The following KANSL2 variants were observed in gnomAD, a reference collection of about 807,000 sequenced individuals.
The protein encoded by KANSL2 is NSL complex protein NSL2.
In KANSL2, 34 loss-of-function variants were observed where a neutral mutation model predicts 55.6. That is an observed-to-expected ratio of 0.61 (90% CI 0.46 to 0.81). The LOEUF is 0.81. Ranked by LOEUF, KANSL2 falls within the 40% of genes least tolerant of loss-of-function variation. KANSL2 has a pLI of 0.00. For missense variants in KANSL2, 502 were observed against 609.9 expected (o/e 0.82, Z 1.86); for synonymous variants, 209 against 214.3 (o/e 0.98, Z 0.22).
intron 7 of KANSL2, among the ~76,000 whole-genome samples, chr12:48,664,302 A>T (rs1249917940): frequency 6.8e-6 from 1 of 147,656 alleles, no homozygotes; most frequent in East Asian, 2.0e-4. Flanking sequence ...TTTGACACAG[A>T]GTCTCACATC....
chr12:48,672,429 A>ACATG (rs1939740130), intron 4 of KANSL2, among the ~76,000 whole-genome samples: 1 of 89,778 alleles, frequency 1.1e-5, no homozygotes, highest in Non-Finnish European at 2.8e-5. Flanking sequence ...ATATATATAT[A>ACATG]TATATTTTTT....
At chr12:48,670,196 C>G (rs1202923526) in intron 5 of KANSL2, among the ~76,000 whole-genome samples, 3 of 100,606 alleles carry the variant, frequency 3.0e-5, no homozygotes, top group African/African-American at 1.1e-4. Flanking sequence ...GAGACTATAT[C>G]ACAAAAAAAA....
intron 8 of KANSL2, chr12:48,656,636 T>C: frequency 2.3e-6 from 1 of 430,022 alleles, no homozygotes; most frequent in South Asian, 1.7e-5. Flanking sequence ...AAAAATGACA[T>C]TACATTCTAG....
intron 4 of KANSL2, among the ~76,000 whole-genome samples, chr12:48,674,976 T>C (rs755575859): frequency 1.1e-3 from 166 of 147,156 alleles, no homozygotes; most frequent in Admixed American, 5.2e-3. Context: ...TAAATAAAAA[T>C]AATATATAAT....
At chr12:48,657,625 C>A (rs535308833) in intron 8 of KANSL2, among the ~76,000 whole-genome samples, 1 of 151,668 alleles carries the variant, frequency 6.6e-6, no homozygotes, top group East Asian at 2.0e-4. Context: ...TGTGTGCGTG[C>A]GTGTGTGTGA....
intron 5 of KANSL2, among the ~76,000 whole-genome samples, chr12:48,670,089 T>C (rs1344939817): frequency 6.6e-6 from 1 of 151,574 alleles, no homozygotes; most frequent in Admixed American, 6.6e-5. Flanking sequence ...TAGTCCCAGT[T>C]ACTCAGGAGG....
intron 8 of KANSL2, chr12:48,658,621 G>T (rs370575154): frequency 3.3e-5 from 5 of 152,068 alleles, no homozygotes; most frequent in African/African-American, 1.2e-4. Context: ...GCCAGACATG[G>T]TGGCACACAC....
chr12:48,671,490 T>G (rs1454311116), intron 5 of KANSL2, among the ~76,000 whole-genome samples: 1 of 152,136 alleles, frequency 6.6e-6, no homozygotes, highest in Non-Finnish European at 1.5e-5. Flanking sequence ...TCATGCTAAG[T>G]GCCCATTTTT....
At position 48,654,076 on chromosome 12, in the gene KANSL2, T is replaced by C. The variant is rs779116728; in HGVS notation, c.1447A>G (p.Asn483Asp). The part of the protein sequence containing the change: ...PLSQSGLATA[N>D]GKPEPTSIS ...ATAGAAGTGGGTTCTGGCTTCCCAT[T>C]TGCAGTAGCCAATCCACTCTGAGAC... Residue 483 changes from asparagine to aspartate, a missense_variant, in exon 10 of 10, where the codon AAT becomes GAT. Asn to Asp is a conservative substitution (Grantham distance 23, BLOSUM62 1). Coordinates refer to ENST00000420613, the MANE Select transcript of KANSL2 (RefSeq NM_017822.4). 59 of 1,607,636 alleles carry C rather than the reference T, an allele frequency of 3.7e-5. No homozygotes were observed. The highest frequency in any genetic ancestry group is 4.4e-5 in the Non-Finnish European group (52 of 1,177,580).
intron 6 of KANSL2, 52 bp downstream of exon 6, chr12:48,669,054 A>G (rs902779020): frequency 1.5e-5 from 21 of 1,381,014 alleles, no homozygotes; most frequent in Admixed American, 1.3e-4. Context: ...GAAAAAATAA[A>G]AACAATAAAT....
chr12:48,654,570 G>A (rs759518772), intron 9 of KANSL2: 1 of 592,224 alleles, frequency 1.7e-6, no homozygotes, highest in South Asian at 1.4e-5. Context: ...TTACTTTACT[G>A]GTCCTTCTAC....
Position 48,660,562 on chromosome 12 carries a change from A to G in KANSL2, c.1031T>C (p.Val344Ala), listed in dbSNP as rs762539597. ...TACAGGAACAGGTTTGTTGCAGGGT[A>G]CCTCTTCAGATCCCTGGCAGCACTT... Reference protein sequence around the residue: ...LFKCCQGSEEVPCNKPVPVSL... With the variant: ...LFKCCQGSEEAPCNKPVPVSL... The change falls in exon 8 of 10, where the codon GTA (valine) becomes GCA (alanine). Residue 344 changes from valine to alanine, a missense_variant. Coordinates refer to ENST00000420613, the MANE Select transcript of KANSL2 (RefSeq NM_017822.4). 5 of 1,613,044 alleles carry G rather than the reference A, an allele frequency of 3.1e-6. No homozygotes were observed. The highest frequency in any genetic ancestry group is 1.1e-5 in the South Asian group (1 of 90,856).
intron 7 of KANSL2, chr12:48,662,426 T>G (rs1453156580): frequency 1.1e-6 from 1 of 946,590 alleles, no homozygotes; most frequent in Non-Finnish European, 1.3e-6. Context: ...TTTATTGGAA[T>G]TCAAAGGACT....
At chr12:48,678,964 A>G in intron 4 of KANSL2, 72 bp downstream of exon 4, 3 of 1,068,774 alleles carry the variant, frequency 2.8e-6, no homozygotes, top group South Asian at 2.7e-5. Context: ...TTACTAATTT[A>G]TTAACAGCAT....
intron 2 of KANSL2, among the ~76,000 whole-genome samples, chr12:48,680,748 G>A (rs1261103664): frequency 2.0e-5 from 3 of 151,998 alleles, no homozygotes. Context: ...AGGCCGAGGC[G>A]GATGGATCAC....
intron 7 of KANSL2, among the ~76,000 whole-genome samples, chr12:48,660,924 C>T (rs142866219): frequency 6.6e-6 from 1 of 152,274 alleles, no homozygotes; most frequent in East Asian, 1.9e-4. Context: ...CAGTAACACT[C>T]CTAGGAACAC....
rs1447350160 is a variant in KANSL2 at position 48,682,199 on chromosome 12, GC to G, written c.-23del. 1 of 676,396 alleles carries G rather than the reference GC, an allele frequency of 1.5e-6. No individual in the cohort carries two copies. The highest frequency in any genetic ancestry group is 2.7e-6 in the Non-Finnish European group (1 of 371,354). 41.9% of individuals were successfully genotyped at this position (676,396 alleles called of 1,614,324 possible). Reference sequence around the variant, plus strand: ...ACCGCCATCTTACCTCAGGAGCTGCGCTGCGCCGCACTCTGCCGCGCCGCTC... The same window carrying G: ...ACCGCCATCTTACCTCAGGAGCTGCGTGCGCCGCACTCTGCCGCGCCGCTC... On this transcript the variant is annotated 5_prime_UTR_variant, in exon 1 of 10. Transcript: ENST00000420613.
intron 7 of KANSL2, among the ~76,000 whole-genome samples, chr12:48,662,027 G>A (rs545508560): frequency 2.2e-4 from 34 of 152,240 alleles, no homozygotes; most frequent in Middle Eastern, 3.4e-3. Context: ...TGCACTATGC[G>A]CTTAAGAAAA....
chr12:48,681,494 T>C lies in KANSL2; in HGVS notation c.139A>G (p.Ile47Val), dbSNP rs1392487636. 1.2e-6 allele frequency: 2 copies of C among 1,614,018 alleles called. No individual in the cohort carries two copies. The highest frequency in any genetic ancestry group is 1.7e-6 in the Non-Finnish European group (2 of 1,179,898). ...TTCTTGTCTTCAAGGATATGCTTAA[T>C]GCAAAACTCCTGCCCCTCCAGACGA... ...HPRLEGQEFC[I>V]KHILEDKNAP... Residue 47 changes from isoleucine (I) to valine (V), a missense_variant, in exon 2 of 10, where the codon ATT becomes GTT. Physicochemically the swap from Ile to Val is conservative, Grantham distance 29. Transcript: ENST00000420613.
Sources: allele counts gnomAD v4.1 joint callset (sites outside exome capture counted in the v4.1 genomes callset), GRCh38; gene constraint gnomAD v4.1.1; transcripts MANE v1.5; gene names NCBI Gene and HGNC (gene_info 2026-07-23, HGNC 2026-07-21).